CPNE3: variants seen among roughly 807,000 people sequenced by gnomAD.
CPNE3 encodes the protein copine-3.
In CPNE3, 68 loss-of-function variants were observed where a neutral mutation model predicts 63.9. The ratio of observed to expected loss-of-function variants is 1.06; its 90% CI spans 0.87 to 1.30. CPNE3 has a LOEUF of 1.30. Ranked by LOEUF, CPNE3 falls within the 50% of genes most tolerant of loss-of-function variation. The pLI is 0.00. For synonymous variants in CPNE3, 219 were observed against 197.5 expected (o/e 1.11, Z -0.91); for missense variants, 665 against 578.1 (o/e 1.15, Z -1.54).
intron 10 of CPNE3, chr8:86,547,493 A>G (rs1014095476): frequency 2.1e-6 from 1 of 465,138 alleles, no homozygotes; most frequent in East Asian, 3.8e-5. Context: ...CGCCATTAGT[A>G]TTCTAATCTT....
At chr8:86,541,793 T>G (rs1820947763) in intron 8 of CPNE3, among the ~76,000 whole-genome samples, 1 of 151,578 alleles carries the variant, frequency 6.6e-6, no homozygotes, top group Non-Finnish European at 1.5e-5. Flanking sequence ...TCAATCTAAG[T>G]ATGATTTGTA....
chr8:86,523,105 A>C (rs537404113), intron 2 of CPNE3, among the ~76,000 whole-genome samples: 1 of 152,344 alleles, frequency 6.6e-6, no homozygotes, highest in East Asian at 1.9e-4. Flanking sequence ...TGACTCAGTA[A>C]TAAAATAATT....
chr8:86,544,701 A>T (rs994652455), intron 8 of CPNE3, 39 bp from the exon 9 acceptor site: 2 of 1,031,032 alleles, frequency 1.9e-6, no homozygotes, highest in African/African-American at 3.4e-5. Flanking sequence ...TAATAAAACT[A>T]TATTGATTTT....
intron 10 of CPNE3, among the ~76,000 whole-genome samples, 178 bp downstream of exon 10, chr8:86,546,859 C>T (rs1462083330): frequency 6.6e-6 from 1 of 152,038 alleles, no homozygotes; most frequent in Non-Finnish European, 1.5e-5. Flanking sequence ...TACAGGCACC[C>T]ACCACTACAC....
intron 7 of CPNE3, 109 bp downstream of exon 7, chr8:86,537,755 C>A (rs1820833552): frequency 2.9e-6 from 2 of 695,552 alleles, no homozygotes; most frequent in Non-Finnish European, 2.6e-6. Flanking sequence ...TTCATACTTA[C>A]ATATAGCCAG....
rs555892083 is a variant in CPNE3 at position 86,555,378 on chromosome 8, C to T, written c.1254+394C>T. On this transcript the variant is annotated intron_variant, in intron 15 of 16. Transcript: ENST00000517490. ...ATGAGGTAACCATTACCTATTGGACCGTGGATACCAAATTTCTCTTAGCCT... is the reference window on the plus strand; with the variant it reads ...ATGAGGTAACCATTACCTATTGGACTGTGGATACCAAATTTCTCTTAGCCT... 2.6e-5 allele frequency among the ~76,000 whole-genome samples: 4 copies of T among 152,232 alleles called. No homozygotes were observed. The East Asian group carries it at 5.8e-4, about 22-fold the overall frequency.
chr8:86,525,159 A>T (rs935686701), intron 2 of CPNE3, among the ~76,000 whole-genome samples: 2 of 151,748 alleles, frequency 1.3e-5, no homozygotes, highest in African/African-American at 2.4e-5. Context: ...CCAGCCTAAA[A>T]TTTTTTGTTT....
At chr8:86,523,599 G>A (rs773138522) in intron 2 of CPNE3, among the ~76,000 whole-genome samples, 1 of 152,092 alleles carries the variant, frequency 6.6e-6, no homozygotes, top group African/African-American at 2.4e-5. Context: ...GTTTTGTTTT[G>A]TTTTGAGATA....
chr8:86,549,172 G>A lies in CPNE3; in HGVS notation c.1013+738G>A, dbSNP rs554016603. On this transcript the variant is annotated intron_variant, in intron 12 of 16. Transcript: ENST00000517490. Reference sequence around the variant, plus strand: ...ATTATTTTATTTACATATTGATGGGGCTTTTCATTAATCTGTAGCATTTAA... The same window carrying A: ...ATTATTTTATTTACATATTGATGGGACTTTTCATTAATCTGTAGCATTTAA... Among the ~76,000 whole-genome samples, 39 of 152,226 alleles carry A rather than the reference G, an allele frequency of 2.6e-4. 1 individual carries two copies. In the South Asian group the frequency reaches 8.1e-3, roughly 32 times the overall value.
rs1383322280 is a variant in CPNE3 at position 86,556,102 on chromosome 8, C to A, written c.1255C>A (p.Gln419Lys). Residue 419 changes from glutamine (Q) to lysine (K), a missense_variant and splice_region_variant, in exon 16 of 17, where the codon CAA becomes AAA. By Grantham distance (53) the Gln-to-Lys change is moderately conservative. Coordinates refer to ENST00000517490, the MANE Select transcript of CPNE3 (RefSeq NM_003909.5). ...GGGACATGTTTTCTTTTTCTGGCAG[C>A]AATATTTTGTGCTTTTGATTATTAC... is the stretch of plus-strand genomic sequence containing the variant. Reference protein sequence around the residue: ...AAATQQQTASQYFVLLIITDG... With the variant: ...AAATQQQTASKYFVLLIITDG... 2.3e-6 allele frequency: 2 copies of A among 872,712 alleles called. No individual in the cohort carries two copies. The highest frequency in any genetic ancestry group is 3.4e-5 in the Admixed American group (2 of 59,184). 54.1% of individuals were successfully genotyped at this position (872,712 alleles called of 1,614,324 possible). A position where few individuals can be genotyped will look rare whatever the true frequency, so the allele number is the denominator to read the frequency against.
chr8:86,555,052 A>G lies in CPNE3; in HGVS notation c.1254+68A>G, dbSNP rs532578200. 27 of 1,599,408 alleles carry G rather than the reference A, an allele frequency of 1.7e-5. No individual in the cohort carries two copies. The Admixed American group carries it at 3.1e-4, about 18-fold the overall frequency. On this transcript the variant is annotated intron_variant, in intron 15 of 16. Transcript: ENST00000517490. ...TAGCAGCTCCTGGTGCCATTTTTCT[A>G]TGTTTTTGGTTTGTCATAATACAAA...
Position 86,552,837 on chromosome 8 carries a change from A to ATT in CPNE3, c.1120+1620_1120+1621dup, listed in dbSNP as rs531932518. Among the ~76,000 whole-genome samples, 126 of 116,478 alleles carry ATT rather than the reference A, an allele frequency of 1.1e-3. 5 individuals are homozygous for ATT. The South Asian group carries it at 0.017, about 16-fold the overall frequency. The allele number at this position is 116,478 out of a possible 152,430, so 76.4% of individuals were successfully genotyped here. A position where few individuals can be genotyped will look rare whatever the true frequency, so the allele number is the denominator to read the frequency against. On this transcript the variant is annotated intron_variant, in intron 14 of 16. Coordinates refer to ENST00000517490, the MANE Select transcript of CPNE3 (RefSeq NM_003909.5). ...TGTGAAGAAATTATTATTATTATTAATTTTTTTTTTTTTTTTTTCGAGACG... is the reference window on the plus strand; with the variant it reads ...TGTGAAGAAATTATTATTATTATTAATTTTTTTTTTTTTTTTTTTTCGAGACG...
chr8:86,547,648 A>T lies in CPNE3; in HGVS notation c.820-63A>T, dbSNP rs974797308. The T allele has an allele frequency of 2.1e-5, 16 of 760,772 alleles. No individual in the cohort carries two copies. In the Admixed American group the frequency reaches 2.4e-4, roughly 11 times the overall value. 47.1% of individuals were successfully genotyped at this position (760,772 alleles called of 1,614,324 possible). A position where few individuals can be genotyped will look rare whatever the true frequency, so the allele number is the denominator to read the frequency against. On this transcript the variant is annotated intron_variant, in intron 10 of 16. Coordinates refer to ENST00000517490, the MANE Select transcript of CPNE3 (RefSeq NM_003909.5). Reference sequence around the variant, plus strand: ...ACAGACTTTTAAAAATATATGCCAAAGAGTTTTTTGCTTCTCTTGTATAGT... The same window carrying T: ...ACAGACTTTTAAAAATATATGCCAATGAGTTTTTTGCTTCTCTTGTATAGT...
chr8:86,524,136 C>T (rs145475841), intron 2 of CPNE3, among the ~76,000 whole-genome samples: 20 of 152,224 alleles, frequency 1.3e-4, no homozygotes, highest in African/African-American at 3.4e-4. Flanking sequence ...TATGGGAAAG[C>T]GGCTGTATCT....
intron 9 of CPNE3, among the ~76,000 whole-genome samples, chr8:86,546,271 C>A (rs1040364108): frequency 3.3e-5 from 5 of 151,540 alleles, no homozygotes; most frequent in Non-Finnish European, 7.4e-5. Flanking sequence ...TAGGGCCCAA[C>A]TCTATGGTAA....
chr8:86,518,256 C>T (rs181524931), intron 2 of CPNE3, among the ~76,000 whole-genome samples: 127 of 152,196 alleles, frequency 8.3e-4, no homozygotes, highest in African/African-American at 3.0e-3. Context: ...TGGTGGACAC[C>T]AGGGCAGGTG....
chr8:86,548,273 A>T (rs776140991), intron 11 of CPNE3, 28 bp from the exon 12 acceptor site: 5 of 1,612,478 alleles, frequency 3.1e-6, no homozygotes, highest in Non-Finnish European at 3.4e-6. Context: ...CCTTCTCCTT[A>T]CTAAGGGCTG....
chr8:86,533,364 G>A (rs1426190967), intron 6 of CPNE3, among the ~76,000 whole-genome samples: 4 of 151,952 alleles, frequency 2.6e-5, no homozygotes, highest in Admixed American at 6.6e-5. Flanking sequence ...GCAACATGGC[G>A]AAACCCCATC....
intron 8 of CPNE3, among the ~76,000 whole-genome samples, chr8:86,542,882 G>T (rs945084593): frequency 1.3e-5 from 2 of 151,812 alleles, no homozygotes; most frequent in African/African-American, 4.8e-5. Context: ...AAATTTTAAC[G>T]TATGAATAGT....
Sources: allele counts gnomAD v4.1 joint callset (sites outside exome capture counted in the v4.1 genomes callset), GRCh38; gene constraint gnomAD v4.1.1; transcripts MANE v1.5; gene names NCBI Gene and HGNC (gene_info 2026-07-23, HGNC 2026-07-21).